Variants in ROBO2 observed in about 807,000 individuals in gnomAD.
ROBO2 encodes the protein roundabout guidance receptor 2.
Under a neutral mutation model 160.8 loss-of-function variants are expected in ROBO2, and 53 were observed. The observed-to-expected ratio is 0.33, with a 90% CI of 0.26 to 0.41. The LOEUF is 0.41. ROBO2 is among the 10% of genes least tolerant of loss of function. The probability of loss-of-function intolerance (pLI) is 1.00; values close to 1 mark genes in which losing one functional copy is unlikely to be tolerated. For missense variants in ROBO2, 1,577 were observed against 1,722.4 expected, an observed-to-expected ratio of 0.92 and a Z score of 1.49; for synonymous variants, 664 against 611.7, an observed-to-expected ratio of 1.09 and a Z score of -1.26.
chr3:77,057,086 G>T (rs890169587), intron 1 of ROBO2, among the ~76,000 whole-genome samples: 5 of 152,152 alleles, frequency 3.3e-5, no homozygotes, highest in Non-Finnish European at 5.9e-5. Context: ...GGATAGACTG[G>T]ATTAAGAAAA....
chr3:76,796,341 A>C (rs930678381), intron 2 of ROBO2, among the ~76,000 whole-genome samples: 3 of 151,966 alleles, frequency 2.0e-5, no homozygotes, highest in Non-Finnish European at 2.9e-5. Flanking sequence ...TGATATCAAA[A>C]CATCTACAAT....
chr3:75,928,861 CGTGTGTGTGTGTGTGTGTGTGTGT>C (rs60525375), intron 1 of ROBO2, among the ~76,000 whole-genome samples: 1 of 109,020 alleles, frequency 9.2e-6, no homozygotes, highest in Non-Finnish European at 1.8e-5. Context: ...CTGGATAAGA[CGTGTGTGTGTGTGTGTGTGTGTGT>C]GTGTGTGTGT....
chr3:76,288,990 T>C (rs1708669335), intron 2 of ROBO2, among the ~76,000 whole-genome samples: 1 of 152,204 alleles, frequency 6.6e-6, no homozygotes, highest in African/African-American at 2.4e-5. Context: ...GAAAAATTTA[T>C]ATTTTGGGGG....
chr3:76,176,356 T>C (rs2107056721), intron 2 of ROBO2, among the ~76,000 whole-genome samples: 1 of 152,074 alleles, frequency 6.6e-6, no homozygotes, highest in Non-Finnish European at 1.5e-5. Context: ...TTTGAATAGC[T>C]GCTGTGCTCC....
chr3:76,214,839 G>T (rs1228207207), intron 2 of ROBO2, among the ~76,000 whole-genome samples: 1 of 152,238 alleles, frequency 6.6e-6, no homozygotes, highest in Non-Finnish European at 1.5e-5. Flanking sequence ...CGCAGCTGGA[G>T]ATCTGAGAAC....
chr3:77,405,539 G>T (rs2076186133), intron 2 of ROBO2, among the ~76,000 whole-genome samples: 1 of 151,946 alleles, frequency 6.6e-6, no homozygotes, highest in Non-Finnish European at 1.5e-5. Context: ...ATTGCAGGTA[G>T]AACTCTAGTG....
At chr3:76,049,403 A>ATATATTTTTTTTT (rs1414664360) in intron 2 of ROBO2, among the ~76,000 whole-genome samples, 3 of 53,760 alleles carry the variant, frequency 5.6e-5, no homozygotes, top group African/African-American at 4.4e-4. Context: ...ATATATATAT[A>ATATATTTTTTTTT]TTTTTTTTTT....
chr3:76,728,678 T>C (rs1003151610), intron 2 of ROBO2, among the ~76,000 whole-genome samples: 1 of 152,158 alleles, frequency 6.6e-6, no homozygotes. Flanking sequence ...CAGTCAACCA[T>C]TGTCTAGAAG....
chr3:76,341,141 T>C (rs2108167052), intron 2 of ROBO2, among the ~76,000 whole-genome samples: 1 of 152,164 alleles, frequency 6.6e-6, no homozygotes, highest in South Asian at 2.1e-4. Flanking sequence ...TGTTATCAGA[T>C]TTAACTTGTC....
At chr3:76,697,813 G>A (rs2092959424) in intron 2 of ROBO2, among the ~76,000 whole-genome samples, 1 of 152,024 alleles carries the variant, frequency 6.6e-6, no homozygotes, top group African/African-American at 2.4e-5. Flanking sequence ...CATCACAATA[G>A]AAATACAAGC....
chr3:77,568,485 C>A (rs1230822157), intron 13 of ROBO2, 51 bp downstream of exon 14: 1 of 1,604,482 alleles, frequency 6.2e-7, no homozygotes, highest in Non-Finnish European at 8.5e-7. Flanking sequence ...TTCGGGAAAG[C>A]AAAACATGGA....
intron 2 of ROBO2, among the ~76,000 whole-genome samples, chr3:76,489,831 A>G (rs1216607383): frequency 6.6e-6 from 1 of 152,058 alleles, no homozygotes; most frequent in African/African-American, 2.4e-5. Context: ...TTAATATTTT[A>G]ATGAGGTATT....
At chr3:75,944,685 A>G (rs761228013) in intron 2 of ROBO2, among the ~76,000 whole-genome samples, 15 of 152,180 alleles carry the variant, frequency 9.9e-5, no homozygotes, top group Admixed American at 3.9e-4. Context: ...ACAGGTTGTT[A>G]TATCACACCT....
At chr3:76,486,828 A>G (rs1432429855) in intron 2 of ROBO2, among the ~76,000 whole-genome samples, 2 of 152,168 alleles carry the variant, frequency 1.3e-5, no homozygotes, top group Non-Finnish European at 2.9e-5. Context: ...ACAGGGTGCA[A>G]TTAAGGCCTA....
At chr3:76,516,548 T>A (rs189328160) in intron 2 of ROBO2, among the ~76,000 whole-genome samples, 2 of 152,262 alleles carry the variant, frequency 1.3e-5, no homozygotes, top group East Asian at 3.9e-4. Flanking sequence ...GACTGTGAAC[T>A]TGGCTCTTGC....
intron 24 of ROBO2, among the ~76,000 whole-genome samples, chr3:77,636,055 C>A (rs185561591): frequency 8.7e-4 from 133 of 152,154 alleles, no homozygotes; most frequent in African/African-American, 2.8e-3. Context: ...GGTGCTCATC[C>A]CTTCATGAGG....
At chr3:76,176,906 A>C (rs1307674445) in intron 2 of ROBO2, among the ~76,000 whole-genome samples, 1 of 152,162 alleles carries the variant, frequency 6.6e-6, no homozygotes, top group African/African-American at 2.4e-5. Flanking sequence ...CTGTAAAACT[A>C]TACAACTACT....
At chr3:77,213,595 C>T (rs1308513113) in intron 2 of ROBO2, among the ~76,000 whole-genome samples, 32 of 152,076 alleles carry the variant, frequency 2.1e-4, no homozygotes, top group Non-Finnish European at 1.5e-4. Flanking sequence ...CTGCTCTGAT[C>T]TTAGTTATTT....
chr3:77,418,749 G>T (rs1182559537), intron 2 of ROBO2, among the ~76,000 whole-genome samples: 1 of 152,068 alleles, frequency 6.6e-6, no homozygotes, highest in African/African-American at 2.4e-5. Flanking sequence ...GTACAAGAGA[G>T]AATACAGTAT....
Sources: gnomAD v4.1 joint callset for allele counts (sites outside exome capture counted in the v4.1 genomes callset) on GRCh38, gnomAD v4.1.1 for gene constraint, MANE v1.5 for transcripts, NCBI Gene and HGNC (gene_info 2026-07-23, HGNC 2026-07-21) for gene names.